Variants in HDAC4 observed in about 807,000 individuals in gnomAD.
The protein encoded by HDAC4 is histone deacetylase 4.
A neutral mutation model predicts 135.1 loss-of-function variants in HDAC4; 16 were observed. That is an observed-to-expected ratio of 0.12 (90% CI 0.08 to 0.18). HDAC4 has a LOEUF of 0.18. HDAC4 is among the 10% of genes least tolerant of loss of function. HDAC4 has a pLI of 1.00. For synonymous variants in HDAC4, 685 were observed against 653.4 expected, an observed-to-expected ratio of 1.05 and a Z score of -0.74; for missense variants, 1,143 against 1,511.8, an observed-to-expected ratio of 0.76 and a Z score of 4.05.
At position 239,352,361 on chromosome 2, in the gene HDAC4, C is replaced by G. The variant is rs1693225489; in HGVS notation, c.22+317G>C. 1.3e-5 allele frequency among the ~76,000 whole-genome samples: 2 copies of G among 152,086 alleles called. No individual in the cohort carries two copies. Among genetic ancestry groups the G allele is most frequent in the African/African-American group, 4.8e-5 (2 of 41,410 alleles). ...ACAAAGACACTGGGCAAGAAACCAGCTCTCCACATCACAACCTGACCTTTC... is the reference window on the plus strand; with the variant it reads ...ACAAAGACACTGGGCAAGAAACCAGGTCTCCACATCACAACCTGACCTTTC... On this transcript the variant is annotated intron_variant, in intron 2 of 26. Coordinates refer to ENST00000543185, the MANE Select transcript of HDAC4 (RefSeq NM_001378414.1). The surrounding 1 kb of genome is among the most constrained non-coding windows in gnomAD (Gnocchi z 4.4).
At position 239,349,303 on chromosome 2, in the gene HDAC4, CTCGGCTCA is replaced by C. The variant is rs1692953973; in HGVS notation, c.22+3367_22+3374del. On this transcript the variant is annotated intron_variant, in intron 2 of 26. Coordinates refer to ENST00000543185, the MANE Select transcript of HDAC4 (RefSeq NM_001378414.1). The surrounding 1 kb of genome is among the most constrained non-coding windows in gnomAD (Gnocchi z 5.7). ...ACACCACGTTGCCAGGACTCGGCTCCTCGGCTCAAGGAAAAGGGACAGCGGTTCCGTGG... is the reference window on the plus strand; with the variant it reads ...ACACCACGTTGCCAGGACTCGGCTCCAGGAAAAGGGACAGCGGTTCCGTGG... Among the ~76,000 whole-genome samples, 1 of 152,208 alleles carries C rather than the reference CTCGGCTCA, an allele frequency of 6.6e-6. No homozygotes were observed. Among genetic ancestry groups the C allele is most frequent in the Admixed American group, 6.5e-5 (1 of 15,288 alleles).
intron 2 of HDAC4, among the ~76,000 whole-genome samples, chr2:239,273,661 G>A (rs55897274): frequency 0.14 from 21,077 of 152,116 alleles, 2,056 homozygotes; most frequent in East Asian, 0.43. Flanking sequence ...AGCTGCAACC[G>A]CCAGGTCACC....
intron 15 of HDAC4, among the ~76,000 whole-genome samples, chr2:239,106,041 C>T (rs1335950571): frequency 2.0e-5 from 3 of 152,200 alleles, no homozygotes; most frequent in African/African-American, 7.2e-5. Context: ...TGTCTTTCTC[C>T]AGCTCTCCTC....
chr2:239,054,366 GA>G (rs1464998526), intron 25 of HDAC4, among the ~76,000 whole-genome samples: 1 of 152,108 alleles, frequency 6.6e-6, no homozygotes, highest in Non-Finnish European at 1.5e-5. Flanking sequence ...AGGGTTCTTT[GA>G]GGTCAGGACG....
At chr2:239,261,755 G>A (rs750723397) in intron 2 of HDAC4, among the ~76,000 whole-genome samples, 1 of 152,080 alleles carries the variant, frequency 6.6e-6, no homozygotes, top group Non-Finnish European at 1.5e-5. Context: ...GGCAGCAGTG[G>A]GCTGGTCCAC....
At chr2:239,122,301 G>C (rs1409879288) in intron 12 of HDAC4, among the ~76,000 whole-genome samples, 1 of 152,168 alleles carries the variant, frequency 6.6e-6, no homozygotes, top group African/African-American at 2.4e-5. Context: ...CTTGCTGTAG[G>C]GGTGGAGGAC....
intron 1 of HDAC4, among the ~76,000 whole-genome samples, chr2:239,374,638 C>T (rs549462240): frequency 1.5e-4 from 23 of 151,756 alleles, no homozygotes; most frequent in African/African-American, 4.8e-4. Context: ...CTCCTGACCT[C>T]GTGATCCGCC....
intron 2 of HDAC4, among the ~76,000 whole-genome samples, chr2:239,314,610 T>C (rs2053038146): frequency 1.3e-5 from 2 of 152,212 alleles, no homozygotes; most frequent in African/African-American, 2.4e-5. Flanking sequence ...ACTGTCATCA[T>C]TAAAATTTAA....
intron 24 of HDAC4, among the ~76,000 whole-genome samples, chr2:239,064,947 C>T (rs372370603): frequency 1.3e-5 from 2 of 152,210 alleles, no homozygotes; most frequent in African/African-American, 4.8e-5. Context: ...CAGAACAATG[C>T]GAACGATGCC....
intron 3 of HDAC4, among the ~76,000 whole-genome samples, chr2:239,225,273 G>A (rs1444356941): frequency 6.6e-6 from 1 of 152,238 alleles, no homozygotes; most frequent in Non-Finnish European, 1.5e-5. Flanking sequence ...CCCAAGGGAA[G>A]CACAGCACAG....
At chr2:239,095,284 G>A (rs894102946) in intron 16 of HDAC4, among the ~76,000 whole-genome samples, 7 of 152,308 alleles carry the variant, frequency 4.6e-5, no homozygotes, top group African/African-American at 1.7e-4. Flanking sequence ...GACCCTGGTG[G>A]GGACACCTCA....
At chr2:239,173,265 A>G (rs2043564911) in intron 5 of HDAC4, among the ~76,000 whole-genome samples, 1 of 152,344 alleles carries the variant, frequency 6.6e-6, no homozygotes, top group East Asian at 1.9e-4. Context: ...ATAAAATGTT[A>G]GCAAATCCAA....
intron 4 of HDAC4, among the ~76,000 whole-genome samples, chr2:239,181,443 T>C (rs2044144464): frequency 6.6e-6 from 1 of 152,238 alleles, no homozygotes; most frequent in Non-Finnish European, 1.5e-5. Flanking sequence ...GGCAGCAGCG[T>C]GTGCGCAGGA....
At chr2:239,092,942 C>T (rs111940553) in intron 17 of HDAC4, among the ~76,000 whole-genome samples, 4 of 151,758 alleles carry the variant, frequency 2.6e-5, no homozygotes, top group Admixed American at 6.6e-5. Flanking sequence ...AGGAAAAAGG[C>T]GGGGGGAAAC....
Position 239,081,140 on chromosome 2 carries a change from C to T in HDAC4, c.2705G>A (p.Gly902Asp), listed in dbSNP as rs2152683625. ...GFNVNMAFTGGLDPPMGDAEY... is the reference protein window; with the variant it reads ...GFNVNMAFTGDLDPPMGDAEY... ...AGCGTCTCCCATGGGGGGGTCCAGG[C>T]CGCCGGTGAAAGCCATGTTGACGTT... The change falls in exon 22 of 27, where the codon GGC becomes GAC. Residue 902 changes from glycine (G) to aspartate (D), a missense_variant. Gly to Asp is a moderately conservative substitution (Grantham distance 94). Around this residue, in one of 9 missense-constraint regions of HDAC4, gnomAD observed 189 missense variants for 317.6 expected, o/e 0.60. Coordinates refer to ENST00000543185, the MANE Select transcript of HDAC4 (RefSeq NM_001378414.1). 6.2e-7 allele frequency: 1 copy of T among 1,614,030 alleles called. No homozygotes were observed. Among genetic ancestry groups the T allele is most frequent in the Non-Finnish European group, 8.5e-7 (1 of 1,180,022 alleles).
At chr2:239,355,170 A>G (rs758472101) in intron 1 of HDAC4, among the ~76,000 whole-genome samples, 4 of 152,236 alleles carry the variant, frequency 2.6e-5, no homozygotes, top group Non-Finnish European at 4.4e-5. Context: ...TGTTCAAAAC[A>G]TGACTCTTTC....
chr2:239,113,668 C>T lies in HDAC4; in HGVS notation c.1791+1385G>A, dbSNP rs1299717475. Among the ~76,000 whole-genome samples the T allele has an allele frequency of 4.6e-5, 7 of 152,278 alleles. No homozygotes were observed. In the East Asian group the frequency reaches 9.7e-4, roughly 21 times the overall value. On this transcript the variant is annotated intron_variant, in intron 13 of 26. Transcript: ENST00000543185. ...AAAATTATTAATGTAAATAGTTTCC[C>T]ATTTCTTATCAGCCTAATAATAGCA...
At chr2:239,084,797 A>G (rs1006312414) in intron 19 of HDAC4, among the ~76,000 whole-genome samples, 9 of 142,306 alleles carry the variant, frequency 6.3e-5, no homozygotes, top group Non-Finnish European at 7.6e-5. Flanking sequence ...CACACCCCAC[A>G]CACACCCCAC....
intron 24 of HDAC4, among the ~76,000 whole-genome samples, chr2:239,062,441 G>T (rs1408357895): frequency 6.6e-6 from 1 of 152,248 alleles, no homozygotes; most frequent in African/African-American, 2.4e-5. Context: ...GCCAACTCTT[G>T]TGCATTAAAG....
Sources: gnomAD v4.1 joint callset for allele counts (sites outside exome capture counted in the v4.1 genomes callset) on GRCh38, gnomAD v4.1.1 for gene constraint, gnomAD v4.1.1 regional missense constraint, Gnocchi (gnomAD v3.1) non-coding constraint, MANE v1.5 for transcripts, NCBI Gene and HGNC (gene_info 2026-07-23, HGNC 2026-07-21) for gene names.